CRYBG1: variants seen among roughly 807,000 people sequenced by gnomAD.
The protein encoded by CRYBG1 is crystallin beta-gamma domain containing 1.
A neutral mutation model predicts 189.2 loss-of-function variants in CRYBG1; 139 were observed. The ratio of observed to expected loss-of-function variants is 0.73; its 90% CI spans 0.64 to 0.85. The LOEUF is 0.85. Ranked by LOEUF, CRYBG1 falls within the 40% of genes least tolerant of loss-of-function variation. The pLI is 0.00. For missense variants in CRYBG1, 2,611 were observed against 2,675.8 expected, an observed-to-expected ratio of 0.98 and a Z score of 0.53; for synonymous variants, 1,023 against 1,017.1, an observed-to-expected ratio of 1.01 and a Z score of -0.11.
At chr6:106,439,916 T>A (rs1244144960) in intron 1 of CRYBG1, among the ~76,000 whole-genome samples, 1 of 152,212 alleles carries the variant, frequency 6.6e-6, no homozygotes, top group East Asian at 1.9e-4. Context: ...ATTGCCATAT[T>A]TGACTGGTTT....
At chr6:106,523,888 C>T (rs769356992) in intron 4 of CRYBG1, among the ~76,000 whole-genome samples, 35 of 152,138 alleles carry the variant, frequency 2.3e-4, no homozygotes, top group Non-Finnish European at 4.3e-4. Flanking sequence ...AGTGCCACCA[C>T]GCCCAGCTAA....
At chr6:106,557,480 C>G (rs1647647993) in intron 17 of CRYBG1, among the ~76,000 whole-genome samples, 1 of 151,650 alleles carries the variant, frequency 6.6e-6, no homozygotes, top group South Asian at 2.1e-4. Context: ...TCTTGACTCA[C>G]TGCAACCTCC....
chr6:106,559,949 G>A (rs765750150), intron 18 of CRYBG1, among the ~76,000 whole-genome samples: 19 of 151,578 alleles, frequency 1.3e-4, no homozygotes, highest in South Asian at 1.3e-3. Flanking sequence ...ACAAAAATTA[G>A]TCGGGTGTGG....
At chr6:106,483,356 T>TTGTGTG (rs367865745) in intron 2 of CRYBG1, among the ~76,000 whole-genome samples, 5,761 of 132,042 alleles carry the variant, frequency 0.044, 309 homozygotes, top group East Asian at 0.18. Context: ...TAGTATTCCA[T>TTGTGTG]TGTGTGTGTG....
intron 18 of CRYBG1, among the ~76,000 whole-genome samples, chr6:106,560,275 G>A (rs986779196): frequency 1.3e-5 from 2 of 152,190 alleles, no homozygotes; most frequent in African/African-American, 4.8e-5. Flanking sequence ...GGAGGGCGCT[G>A]GGCTGCTTCC....
Position 106,512,870 on chromosome 6 carries a change from G to A in CRYBG1, c.1753G>A (p.Glu585Lys), listed in dbSNP as rs763076972. The change falls in exon 3 of 22, where the codon GAG becomes AAG. Residue 585 changes from glutamate (E) to lysine (K), a missense_variant. Physicochemically the swap from Glu to Lys is moderately conservative, Grantham distance 56. Transcript: ENST00000633556. ...CTCGCTGCTGCCGGAGATCAAGCCCGAGCACAAGAGGGGCCCGCTCCCCAA... is the reference window on the plus strand; with the variant it reads ...CTCGCTGCTGCCGGAGATCAAGCCCAAGCACAAGAGGGGCCCGCTCCCCAA... ...SSSLLPEIKP[E>K]HKRGPLPNHF... 1.3e-5 allele frequency: 21 copies of A among 1,592,830 alleles called. No individual in the cohort carries two copies. Among genetic ancestry groups the A allele is most frequent in the African/African-American group, 9.4e-5 (7 of 74,478 alleles).
At chr6:106,434,613 G>C (rs144674757) in intron 1 of CRYBG1, among the ~76,000 whole-genome samples, 299 of 152,298 alleles carry the variant, frequency 2.0e-3, no homozygotes, top group African/African-American at 6.9e-3. Context: ...AAAGGTCTAG[G>C]TAGTAAGTAT....
At chr6:106,531,829 G>A (rs1013837853) in intron 8 of CRYBG1, among the ~76,000 whole-genome samples, 5 of 152,042 alleles carry the variant, frequency 3.3e-5, no homozygotes, top group East Asian at 1.9e-4. Flanking sequence ...ATGGCAGCCC[G>A]TCTCAGAAAA....
intron 2 of CRYBG1, among the ~76,000 whole-genome samples, chr6:106,483,533 A>G (rs1425314735): frequency 6.6e-6 from 1 of 151,974 alleles, no homozygotes; most frequent in African/African-American, 2.4e-5. Context: ...ATACATACCC[A>G]GCAATGGGAT....
At chr6:106,420,074 A>G (rs1422958046) in intron 1 of CRYBG1, among the ~76,000 whole-genome samples, 1 of 152,212 alleles carries the variant, frequency 6.6e-6, no homozygotes, top group Admixed American at 6.5e-5. Flanking sequence ...TGACTGTGCA[A>G]TGCAGTAATT....
intron 16 of CRYBG1, among the ~76,000 whole-genome samples, 199 bp from the exon 17 acceptor site, chr6:106,555,569 G>GC (rs1227341714): frequency 6.6e-6 from 1 of 152,048 alleles, no homozygotes; most frequent in Non-Finnish European, 1.5e-5. Context: ...CAAATGCAAA[G>GC]TTAACTGACT....
At position 106,513,004 on chromosome 6, in the gene CRYBG1, C is replaced by A. The variant is rs760903261; in HGVS notation, c.1887C>A (p.Gly629=). 3 of 1,608,058 alleles carry A rather than the reference C, an allele frequency of 1.9e-6. No individual in the cohort carries two copies. The highest frequency in any genetic ancestry group is 1.7e-5 in the Admixed American group (1 of 59,976). The change falls in exon 3 of 22, where the codon GGC becomes GGA. Residue 629 remains glycine, a synonymous_variant. Transcript: ENST00000633556. ...ADGLKPRNHF[G]VGRSTVTTKV... is the part of the protein sequence containing the mutation. ...GCTTGAAGCCCAGGAACCATTTCGG[C>A]GTGGGCAGGTCGACAGTGACCACTA...
Position 106,387,649 on chromosome 6 carries a change from G to T in CRYBG1, c.173+26568G>T, listed in dbSNP as rs552387652. On this transcript the variant is annotated intron_variant, in intron 1 of 21. Transcript: ENST00000633556. ...GTACAATTCTGCTCAACCCCAGATG[G>T]ATAGGTTTAACAACGGGTTAACTCA... Among the ~76,000 whole-genome samples the T allele has an allele frequency of 1.5e-4, 23 of 152,266 alleles. No homozygotes were observed. The South Asian group carries it at 4.8e-3, about 32-fold the overall frequency.
chr6:106,437,178 A>T (rs1771476139), intron 1 of CRYBG1, among the ~76,000 whole-genome samples: 1 of 152,192 alleles, frequency 6.6e-6, no homozygotes, highest in Middle Eastern at 3.2e-3. Flanking sequence ...GGGAAGTTGA[A>T]GTTGGGAAAA....
chr6:106,480,970 T>TAAGAAAAGAAAAAATTGGCTGCTCCAA (rs1562081332), intron 2 of CRYBG1, among the ~76,000 whole-genome samples: 204 of 19,340 alleles, frequency 0.011, 4 homozygotes, highest in Admixed American at 0.012. Context: ...GACTCTGTCT[T>TAAGAAAAGAAAAAATTGGCTGCTCCAA]TTTTTTTTTT....
intron 1 of CRYBG1, among the ~76,000 whole-genome samples, chr6:106,373,385 G>A (rs1269239866): frequency 6.6e-6 from 1 of 152,176 alleles, no homozygotes; most frequent in Non-Finnish European, 1.5e-5. Flanking sequence ...GGTGACAAAT[G>A]TTGAGGATTT....
At chr6:106,553,624 C>A in intron 16 of CRYBG1, 57 bp downstream of exon 16, 1 of 1,177,088 alleles carries the variant, frequency 8.5e-7, no homozygotes, top group Non-Finnish European at 1.3e-6. Context: ...AGAATTCACA[C>A]ATCAGCAAGT....
intron 1 of CRYBG1, among the ~76,000 whole-genome samples, chr6:106,366,895 T>G (rs1313868547): frequency 2.0e-5 from 3 of 152,112 alleles, no homozygotes; most frequent in Non-Finnish European, 4.4e-5. Flanking sequence ...GTGAGTGGAG[T>G]AAAAACTTCA....
intron 17 of CRYBG1, among the ~76,000 whole-genome samples, chr6:106,558,070 A>G (rs1774598657): frequency 6.6e-6 from 1 of 152,172 alleles, no homozygotes; most frequent in African/African-American, 2.4e-5. Flanking sequence ...ATTAGGCAAT[A>G]CCACTGTACA....
Sources: gnomAD v4.1 joint callset for allele counts (sites outside exome capture counted in the v4.1 genomes callset) on GRCh38, gnomAD v4.1.1 for gene constraint, MANE v1.5 for transcripts, NCBI Gene and HGNC (gene_info 2026-07-23, HGNC 2026-07-21) for gene names.